LONP1: variants seen among roughly 807,000 people sequenced by gnomAD.
LONP1 encodes lon protease homolog, mitochondrial.
LONP1 carries 31 observed loss-of-function variants against 98.5 expected under a neutral mutation model. That is an observed-to-expected ratio of 0.31 (90% CI 0.24 to 0.42). LONP1 has a LOEUF of 0.42. Among genes scored for constraint, LONP1 ranks in the 20% least tolerant of loss-of-function variants. The probability of loss-of-function intolerance (pLI) is 1.00; values close to 1 mark genes in which losing one functional copy is unlikely to be tolerated. For missense variants in LONP1, 1,336 were observed against 1,350.6 expected (o/e 0.99, Z 0.17); for synonymous variants, 781 against 594.7 (o/e 1.31, Z -4.56).
rs755689281 is a variant in LONP1 at position 5,714,163 on chromosome 19, G to A, written c.518+20C>T. The stretch of plus-strand genomic sequence containing the variant: ...TCTAGGGCACCGTCAACAAGGGAAT[G>A]AAGGAAAAATCACACTTACCTGTCA... On this transcript the variant is annotated intron_variant, in intron 2 of 17. Transcript: ENST00000360614. 6.3e-7 allele frequency: 1 copy of A among 1,598,470 alleles called. No homozygotes were observed. The highest frequency in any genetic ancestry group is 1.7e-5 in the Admixed American group (1 of 59,092).
chr19:5,709,570 A>G (rs1041750599), intron 4 of LONP1, among the ~76,000 whole-genome samples: 1 of 152,050 alleles, frequency 6.6e-6, no homozygotes, highest in Non-Finnish European at 1.5e-5. Context: ...TGACCCTGGT[A>G]GAAGGCACCA....
chr19:5,716,359 A>C (rs1269546158), intron 1 of LONP1, among the ~76,000 whole-genome samples: 1 of 140,562 alleles, frequency 7.1e-6, no homozygotes, highest in Non-Finnish European at 1.5e-5. Context: ...TAAGCAGCTC[A>C]CTGCTGGGCC....
rs147193602 is a variant in LONP1, at chr19:5,713,076, C to T, written c.638+58G>A. ...GATGCTGGGGCATAAGGCATCCTGG[C>T]TGGTCTCCCGCGTGGTACTCTGCCC... On this transcript the variant is annotated intron_variant, in intron 3 of 17. Coordinates refer to ENST00000360614, the MANE Select transcript of LONP1 (RefSeq NM_004793.4). 6.8e-6 allele frequency: 11 copies of T among 1,610,750 alleles called. No individual in the cohort carries two copies. In the African/African-American group the frequency reaches 9.3e-5, roughly 14 times the overall value.
intron 9 of LONP1, among the ~76,000 whole-genome samples, chr19:5,700,201 G>A (rs1303263976): frequency 1.3e-5 from 2 of 151,828 alleles, no homozygotes; most frequent in Admixed American, 1.3e-4. Flanking sequence ...GCAACCTCTG[G>A]CTCCTGGGTT....
chr19:5,701,819 G>A (rs2055050121), intron 8 of LONP1, among the ~76,000 whole-genome samples: 1 of 151,420 alleles, frequency 6.6e-6, no homozygotes. Context: ...GAGCCCCTCT[G>A]CCTGGCTGCC....
At chr19:5,696,475 G>A in intron 11 of LONP1, 104 bp from the exon 12 acceptor site, 1 of 1,475,008 alleles carries the variant, frequency 6.8e-7, no homozygotes. Flanking sequence ...AGTGAGAGCG[G>A]CACCCACACC....
chr19:5,698,876 T>G, intron 10 of LONP1, 151 bp downstream of exon 10: 4 of 813,296 alleles, frequency 4.9e-6, no homozygotes, highest in Non-Finnish European at 7.1e-6. Context: ...GTCCGCCACA[T>G]GGCTGGACTT....
intron 14 of LONP1, 40 bp from the exon 15 acceptor site, chr19:5,694,592 G>A: frequency 6.4e-7 from 1 of 1,568,704 alleles, no homozygotes. Flanking sequence ...GGGAAGGTGG[G>A]GTGACAGGTG....
chr19:5,699,284 C>T (rs2054998969), intron 9 of LONP1, 79 bp from the exon 10 acceptor site: 2 of 1,210,176 alleles, frequency 1.7e-6, no homozygotes, highest in East Asian at 5.5e-5. Flanking sequence ...CACCTGCACA[C>T]TGCCTTTCAG....
chr19:5,707,634 C>T (rs1052264438), intron 6 of LONP1, 63 bp downstream of exon 6: 27 of 1,559,684 alleles, frequency 1.7e-5, no homozygotes, highest in African/African-American at 5.4e-5. Flanking sequence ...CGGGCGTGGG[C>T]GGAGCATAGT....
intron 10 of LONP1, 97 bp downstream of exon 10, chr19:5,698,930 G>T (rs530182694): frequency 1.5e-6 from 2 of 1,298,530 alleles, no homozygotes; most frequent in East Asian, 2.8e-5. Flanking sequence ...CCACAACCCG[G>T]ATTGCTCTAC....
chr19:5,705,457 CA>C lies in LONP1; in HGVS notation c.1367+314del, dbSNP rs552452093. Among the ~76,000 whole-genome samples the C allele has an allele frequency of 0.33, 35,008 of 105,846 alleles. 4,623 individuals carry two copies. The highest frequency in any genetic ancestry group is 0.39 in the Non-Finnish European group (21,177 of 53,788). The allele number at this position is 105,846 out of a possible 152,430, so 69.4% of individuals were successfully genotyped here. A position where few individuals can be genotyped will look rare whatever the true frequency, so the allele number is the denominator to read the frequency against. On this transcript the variant is annotated intron_variant, in intron 8 of 17. Transcript: ENST00000360614. ...TGGACAACTGAGCGAGACTCCATTT[CA>C]AAAAAAAAAAAAAAAAAAAGCAGCC...
intron 8 of LONP1, among the ~76,000 whole-genome samples, chr19:5,702,316 C>T (rs1449966587): frequency 4.7e-5 from 7 of 147,998 alleles, no homozygotes; most frequent in African/African-American, 1.5e-4. Flanking sequence ...GAGGCGTCAG[C>T]CCCCCGCCCA....
At position 5,696,173 on chromosome 19, in the gene LONP1, G is replaced by A. The variant is rs1174338290; in HGVS notation, c.1897-3C>T. 2 of 1,612,566 alleles carry A rather than the reference G, an allele frequency of 1.2e-6. No individual in the cohort carries two copies. Among genetic ancestry groups the A allele is most frequent in the Non-Finnish European group, 1.7e-6 (2 of 1,179,750 alleles). On this transcript the variant is annotated splice_polypyrimidine_tract_variant and splice_region_variant and intron_variant, in intron 12 of 17. Transcript: ENST00000360614. Reference sequence around the variant, plus strand: ...TTGGCCGTGCAGATGAACAGCACCTGGGGGCGGCGGCAAGGTGCTGGGGGA... The same window carrying A: ...TTGGCCGTGCAGATGAACAGCACCTAGGGGCGGCGGCAAGGTGCTGGGGGA...
chr19:5,710,037 A>G (rs1334096164), intron 4 of LONP1, among the ~76,000 whole-genome samples: 1 of 151,072 alleles, frequency 6.6e-6, no homozygotes, highest in African/African-American at 2.4e-5. Context: ...GGAATGCCCC[A>G]ATGCTGAGCT....
In LONP1 at chr19:5,707,161, A is replaced by C. The variant is rs1384305555; in HGVS notation, c.1063-18T>G. On this transcript the variant is annotated intron_variant, in intron 6 of 17. Coordinates refer to ENST00000360614, the MANE Select transcript of LONP1 (RefSeq NM_004793.4). ...TTAGGAATCTGCCGAGACAGGGAGGACAGAAAGGATGAGCAGAAGTCGGCA... is the reference window on the plus strand; with the variant it reads ...TTAGGAATCTGCCGAGACAGGGAGGCCAGAAAGGATGAGCAGAAGTCGGCA... The C allele has an allele frequency of 6.2e-7, 1 of 1,608,400 alleles. No homozygotes were observed.
intron 9 of LONP1, among the ~76,000 whole-genome samples, chr19:5,699,662 A>AG (rs2055006639): frequency 6.6e-6 from 1 of 150,932 alleles, no homozygotes; most frequent in Non-Finnish European, 1.5e-5. Flanking sequence ...GGTTCAAGCA[A>AG]TTCTCCTGCC....
chr19:5,707,571 T>C (rs1421407008), intron 6 of LONP1, 126 bp downstream of exon 6: 2 of 986,368 alleles, frequency 2.0e-6, no homozygotes, highest in African/African-American at 1.6e-5. Flanking sequence ...TGGTGCACGG[T>C]GGAGGGACAA....
At chr19:5,696,396 G>T (rs1255706363) in intron 11 of LONP1, 25 bp from the exon 12 acceptor site, 1 of 1,608,566 alleles carries the variant, frequency 6.2e-7, no homozygotes, top group Admixed American at 1.7e-5. Flanking sequence ...AGCAGGTGGT[G>T]CCCCTCGCCG....
Sources: allele counts gnomAD v4.1 joint callset (sites outside exome capture counted in the v4.1 genomes callset), GRCh38; gene constraint gnomAD v4.1.1; transcripts MANE v1.5; gene names NCBI Gene and HGNC (gene_info 2026-07-23, HGNC 2026-07-21).